FYN: variants seen among roughly 807,000 people sequenced by gnomAD.
FYN encodes tyrosine-protein kinase Fyn.
Under a neutral mutation model 70.2 loss-of-function variants are expected in FYN, and 10 were observed. The observed-to-expected ratio is 0.14, with a 90% CI of 0.09 to 0.24. The LOEUF is 0.24. FYN is among the 10% of genes least tolerant of loss of function. The probability of loss-of-function intolerance (pLI) is 1.00; values close to 1 mark genes in which losing one functional copy is unlikely to be tolerated. For missense variants in FYN, 319 were observed against 673.1 expected (o/e 0.47, Z 5.82); for synonymous variants, 236 against 248.6 (o/e 0.95, Z 0.48).
chr6:111,837,557 A>G (rs1773226489), intron 2 of FYN, among the ~76,000 whole-genome samples: 1 of 152,204 alleles, frequency 6.6e-6, no homozygotes, highest in Non-Finnish European at 1.5e-5. Context: ...TAGTCCATCC[A>G]TGGCCAGTAC....
At chr6:111,795,702 A>G (rs544375571) in intron 2 of FYN, among the ~76,000 whole-genome samples, 1 of 152,344 alleles carries the variant, frequency 6.6e-6, no homozygotes, top group Non-Finnish European at 1.5e-5. Flanking sequence ...AAGAGAAAAG[A>G]GTACTGAACA....
At chr6:111,682,961 A>G (rs932307757) in intron 12 of FYN, among the ~76,000 whole-genome samples, 21 of 152,234 alleles carry the variant, frequency 1.4e-4, no homozygotes, top group African/African-American at 5.1e-4. Flanking sequence ...GGCAAATGCC[A>G]TCAGCAATGC....
At chr6:111,682,144 C>T (rs1424037827) in intron 12 of FYN, among the ~76,000 whole-genome samples, 1 of 152,372 alleles carries the variant, frequency 6.6e-6, no homozygotes, top group Non-Finnish European at 1.5e-5. Context: ...AGTTATCTGA[C>T]ACCCTGACGG....
intron 12 of FYN, among the ~76,000 whole-genome samples, chr6:111,692,600 C>T (rs184287714): frequency 1.3e-5 from 2 of 152,328 alleles, no homozygotes; most frequent in East Asian, 3.9e-4. Flanking sequence ...ACCCATGGTT[C>T]ATGAGCGTTA....
At chr6:111,736,455 T>C (rs1801714919) in intron 3 of FYN, among the ~76,000 whole-genome samples, 1 of 152,134 alleles carries the variant, frequency 6.6e-6, no homozygotes, top group African/African-American at 2.4e-5. Flanking sequence ...AGAAGCACTT[T>C]GTCCCAGCAC....
At chr6:111,810,948 G>A (rs993583032) in intron 2 of FYN, among the ~76,000 whole-genome samples, 3 of 152,130 alleles carry the variant, frequency 2.0e-5, no homozygotes, top group South Asian at 2.1e-4. Context: ...CAATGCATCC[G>A]TTGTTCTCCA....
chr6:111,691,812 G>A (rs1379280391), intron 12 of FYN, among the ~76,000 whole-genome samples: 1 of 152,250 alleles, frequency 6.6e-6, no homozygotes, highest in East Asian at 1.9e-4. Flanking sequence ...TCACTGACTT[G>A]ATGAGATGTG....
intron 3 of FYN, among the ~76,000 whole-genome samples, chr6:111,759,694 G>C (rs1055927629): frequency 1.3e-5 from 2 of 152,126 alleles, no homozygotes; most frequent in African/African-American, 4.8e-5. Context: ...AGTGCCTTCT[G>C]TGTGCCAGGC....
At chr6:111,727,679 T>A (rs181884486) in intron 3 of FYN, among the ~76,000 whole-genome samples, 208 of 152,282 alleles carry the variant, frequency 1.4e-3, no homozygotes, top group African/African-American at 5.0e-3. Context: ...GTTGAACCCA[T>A]TCGATCATTT....
intron 2 of FYN, chr6:111,844,764 T>C (rs1773471495): frequency 2.0e-5 from 3 of 152,252 alleles, no homozygotes; most frequent in African/African-American, 7.2e-5. Flanking sequence ...TCCCAATCCA[T>C]AACTGGTCTT....
At chr6:111,702,782 G>A in intron 8 of FYN, 103 bp downstream of exon 8, 1 of 1,151,582 alleles carries the variant, frequency 8.7e-7, no homozygotes, top group East Asian at 2.4e-5. Context: ...CTCTATAAGT[G>A]ATTTTGTACA....
At chr6:111,744,673 C>T (rs183479381) in intron 3 of FYN, among the ~76,000 whole-genome samples, 4 of 152,268 alleles carry the variant, frequency 2.6e-5, no homozygotes, top group South Asian at 4.1e-4. Flanking sequence ...TTTTACTACA[C>T]GTCAGTTATC....
rs758623160 is a variant in FYN, at chr6:111,841,970, G to C, written c.-82+4619C>G. ...CTTTGAGTCTAAAACAGAATTCTAA[G>C]CATGTCCCTTCCTCCTAAACACACA... On this transcript the variant is annotated intron_variant, in intron 2 of 13. Coordinates refer to ENST00000354650, the MANE Select transcript of FYN (RefSeq NM_002037.5). 6.1e-4 allele frequency among the ~76,000 whole-genome samples: 91 copies of C among 149,456 alleles called. 2 individuals carry two copies. Among genetic ancestry groups the C allele is most frequent in the Non-Finnish European group, 1.8e-4 (12 of 67,840 alleles).
At chr6:111,853,168 A>C (rs1392484256) in intron 1 of FYN, among the ~76,000 whole-genome samples, 1 of 152,178 alleles carries the variant, frequency 6.6e-6, no homozygotes, top group Non-Finnish European at 1.5e-5. Flanking sequence ...TACTTCCAAG[A>C]GGTGGGGAGG....
intron 2 of FYN, among the ~76,000 whole-genome samples, chr6:111,816,441 T>G (rs1049499179): frequency 1.3e-5 from 2 of 152,210 alleles, no homozygotes; most frequent in Non-Finnish European, 2.9e-5. Context: ...AACCTCTCAC[T>G]GATTCTAACC....
intron 3 of FYN, among the ~76,000 whole-genome samples, chr6:111,732,933 T>C (rs1156679386): frequency 6.6e-6 from 1 of 152,046 alleles, no homozygotes; most frequent in Non-Finnish European, 1.5e-5. Context: ...ACGAGAGGCA[T>C]GAATATTGAT....
intron 2 of FYN, among the ~76,000 whole-genome samples, chr6:111,786,302 A>G (rs188755610): frequency 1.3e-5 from 2 of 152,074 alleles, no homozygotes; most frequent in African/African-American, 4.8e-5. Flanking sequence ...GAGTGAGAAC[A>G]TGCGGTGTTT....
intron 3 of FYN, among the ~76,000 whole-genome samples, chr6:111,762,980 T>A (rs1803069204): frequency 6.6e-6 from 1 of 152,208 alleles, no homozygotes; most frequent in African/African-American, 2.4e-5. Flanking sequence ...AAAGCCTTCT[T>A]CTTGGAGGTT....
At chr6:111,821,722 T>C (rs1350581076) in intron 2 of FYN, among the ~76,000 whole-genome samples, 1 of 152,036 alleles carries the variant, frequency 6.6e-6, no homozygotes, top group Non-Finnish European at 1.5e-5. Context: ...AGAAAATTTT[T>C]GCAATCTACT....
Sources: allele counts gnomAD v4.1 joint callset (sites outside exome capture counted in the v4.1 genomes callset), GRCh38; gene constraint gnomAD v4.1.1; transcripts MANE v1.5; gene names NCBI Gene and HGNC (gene_info 2026-07-23, HGNC 2026-07-21).